Variants in C1orf185 observed in about 807,000 individuals in gnomAD.
The protein encoded by C1orf185 is chromosome 1 open reading frame 185, also known as uncharacterized protein C1orf185.
A neutral mutation model predicts 16.1 loss-of-function variants in C1orf185; 13 were observed. That is an observed-to-expected ratio of 0.81 (90% CI 0.53 to 1.28). The LOEUF (loss-of-function observed/expected upper bound fraction) is 1.28, where lower values mean the gene tolerates loss of function less well. C1orf185 is among the 50% of genes most tolerant of loss of function. The probability of loss-of-function intolerance (pLI) is 0.00; values close to 1 mark genes in which losing one functional copy is unlikely to be tolerated. For synonymous variants in C1orf185, 80 were observed against 76.9 expected (o/e 1.04, Z -0.21); for missense variants, 220 against 225.2 (o/e 0.98, Z 0.15).
intron 4 of C1orf185, among the ~76,000 whole-genome samples, chr1:51,146,643 G>A (rs1321646317): frequency 6.6e-6 from 1 of 152,040 alleles, no homozygotes; most frequent in African/African-American, 2.4e-5. Context: ...AAAAGCATGA[G>A]ACAAACTAAT....
downstream of C1orf185, among the ~76,000 whole-genome samples, chr1:51,148,313 A>G (rs1443042376): frequency 6.6e-6 from 1 of 151,946 alleles, no homozygotes; most frequent in Non-Finnish European, 1.5e-5. Context: ...AGTAGAGATG[A>G]GGTTTCACCA....
chr1:51,131,755 G>A (rs1646287260), intron 3 of C1orf185, among the ~76,000 whole-genome samples: 4 of 152,112 alleles, frequency 2.6e-5, no homozygotes, highest in Admixed American at 6.5e-5. Context: ...GCAATGATTG[G>A]CCATGGATTG....
intron 3 of C1orf185, among the ~76,000 whole-genome samples, chr1:51,125,126 C>T (rs999503031): frequency 1.3e-5 from 2 of 152,098 alleles, no homozygotes; most frequent in African/African-American, 4.8e-5. Context: ...CGGTTGGAAG[C>T]CTTGTGCCAG....
chr1:51,110,112 C>A (rs894749427), intron 1 of C1orf185, among the ~76,000 whole-genome samples: 2 of 152,164 alleles, frequency 1.3e-5, no homozygotes, highest in African/African-American at 4.8e-5. Context: ...ACTATTCCCC[C>A]ACTTACCAGT....
chr1:51,111,374 C>CTTTTTTTTTTTTTTTTTTT (rs11414730), intron 1 of C1orf185, among the ~76,000 whole-genome samples: 1 of 133,982 alleles, frequency 7.5e-6, no homozygotes, highest in African/African-American at 3.2e-5. Flanking sequence ...TTCTTTCTTT[C>CTTTTTTTTTTTTTTTTTTT]TTTTTTTTTT....
chr1:51,110,744 G>A (rs1406792131), intron 1 of C1orf185, among the ~76,000 whole-genome samples: 1 of 152,146 alleles, frequency 6.6e-6, no homozygotes, highest in Non-Finnish European at 1.5e-5. Context: ...TGAGGTGGGT[G>A]AATCACTTGA....
chr1:51,102,630 T>A (rs930651957), intron 1 of C1orf185, among the ~76,000 whole-genome samples: 1 of 152,140 alleles, frequency 6.6e-6, no homozygotes, highest in African/African-American at 2.4e-5. Context: ...ATTTTTAATA[T>A]TATTTATTTA....
chr1:51,120,044 A>G (rs1646186305), intron 3 of C1orf185, among the ~76,000 whole-genome samples: 1 of 152,210 alleles, frequency 6.6e-6, no homozygotes, highest in Non-Finnish European at 1.5e-5. Flanking sequence ...GTTTTAAGAA[A>G]TGAAGAGAAG....
At chr1:51,140,178 T>C (rs2148031032) in intron 3 of C1orf185, among the ~76,000 whole-genome samples, 1 of 152,358 alleles carries the variant, frequency 6.6e-6, no homozygotes, top group East Asian at 1.9e-4. Context: ...ATCACTTTCG[T>C]TGTCTCACGC....
chr1:51,147,380 G>T, intron 4 of C1orf185, 87 bp from the exon 5 acceptor site: 1 of 1,222,026 alleles, frequency 8.2e-7, no homozygotes, highest in South Asian at 1.7e-5. Flanking sequence ...TTTCTTTATA[G>T]CATTATCCTG....
chr1:51,137,259 A>G (rs574562506), intron 3 of C1orf185, among the ~76,000 whole-genome samples: 2 of 152,168 alleles, frequency 1.3e-5, no homozygotes, highest in South Asian at 2.1e-4. Context: ...AAAGCTAGAC[A>G]TGGTGGCTCA....
chr1:51,115,069 G>A (rs1646148054), intron 2 of C1orf185, among the ~76,000 whole-genome samples: 1 of 152,146 alleles, frequency 6.6e-6, no homozygotes, highest in Admixed American at 6.5e-5. Flanking sequence ...TTGAGGCCGG[G>A]CGCAGTGGCT....
At position 51,147,581 on chromosome 1, in the gene C1orf185, C is replaced by T; in HGVS notation, c.410C>T (p.Thr137Ile). 1.3e-6 allele frequency: 2 copies of T among 1,551,574 alleles called. No individual in the cohort carries two copies. The highest frequency in any genetic ancestry group is 1.7e-6 in the Non-Finnish European group (2 of 1,146,916). The change falls in exon 5 of 5, where the codon ACA becomes ATA. Residue 137 changes from threonine to isoleucine, a missense_variant. Transcript: ENST00000371759. Reference sequence around the variant, plus strand: ...AGCAGTGTTACATTAAGCTTATCAACATTACCATCTGATTCTTATTACAGC... The same window carrying T: ...AGCAGTGTTACATTAAGCTTATCAATATTACCATCTGATTCTTATTACAGC... ...NRSSVTLSLS[T>I]LPSDSYYSQS...
chr1:51,129,188 C>T (rs1646265343), intron 3 of C1orf185, among the ~76,000 whole-genome samples: 1 of 152,052 alleles, frequency 6.6e-6, no homozygotes, highest in Admixed American at 6.6e-5. Flanking sequence ...CCTGGCCACG[C>T]AGCTAAATTT....
In C1orf185 at chr1:51,118,944, A is replaced by G. The variant is rs1251460854; in HGVS notation, c.258+143A>G. ...GGACAAACTAGTTAGAGTTTATACT[A>G]TAGGAAAACTGAAAAGCTAAATGAA... On this transcript the variant is annotated intron_variant, in intron 3 of 4. Transcript: ENST00000371759. 4.8e-6 allele frequency: 3 copies of G among 622,620 alleles called. No homozygotes were observed. The African/African-American group carries it at 5.7e-5, about 12-fold the overall frequency. The allele number at this position is 622,620 out of a possible 1,614,324, so 38.6% of individuals were successfully genotyped here.
rs1448251954 is a variant in C1orf185, at chr1:51,147,798, G to T, written c.*27G>T. On this transcript the variant is annotated 3_prime_UTR_variant, in exon 5 of 5. Coordinates refer to ENST00000371759, the MANE Select transcript of C1orf185 (RefSeq NM_001136508.2). ...CATCAAAAAGATGACTACATTAAGG[G>T]AAAATGTTCATGAAGAAACACAGAG... 4 of 1,445,126 alleles carry T rather than the reference G, an allele frequency of 2.8e-6. No individual in the cohort carries two copies. In the South Asian group the frequency reaches 5.7e-5, roughly 21 times the overall value. The allele number at this position is 1,445,126 out of a possible 1,614,324, so 89.5% of individuals were successfully genotyped here.
At chr1:51,122,499 C>A (rs1221825022) in intron 3 of C1orf185, among the ~76,000 whole-genome samples, 1 of 152,188 alleles carries the variant, frequency 6.6e-6, no homozygotes, top group East Asian at 1.9e-4. Context: ...CAGAGTCCCA[C>A]TATATTCTTT....
intron 1 of C1orf185, among the ~76,000 whole-genome samples, chr1:51,104,193 C>T (rs1646053446): frequency 6.6e-6 from 1 of 152,088 alleles, no homozygotes; most frequent in Non-Finnish European, 1.5e-5. Context: ...GTTGATTGGA[C>T]TAAACCACTT....
intron 2 of C1orf185, among the ~76,000 whole-genome samples, chr1:51,117,097 A>G (rs1324256568): frequency 2.0e-5 from 3 of 152,184 alleles, no homozygotes; most frequent in Non-Finnish European, 4.4e-5. Flanking sequence ...TGAGAGTTCC[A>G]TGAGGGCAGG....
Sources: allele counts gnomAD v4.1 joint callset (sites outside exome capture counted in the v4.1 genomes callset), GRCh38; gene constraint gnomAD v4.1.1; transcripts MANE v1.5; gene names NCBI Gene and HGNC (gene_info 2026-07-23, HGNC 2026-07-21).